The following SMG5 variants were observed in gnomAD, a reference collection of about 807,000 sequenced individuals.
SMG5 encodes SMG5 nonsense mediated mRNA decay factor, also known as nonsense-mediated mRNA decay factor SMG5.
A neutral mutation model predicts 122.9 loss-of-function variants in SMG5; 53 were observed. The observed-to-expected ratio is 0.43, with a 90% CI of 0.35 to 0.54. The LOEUF (loss-of-function observed/expected upper bound fraction) is 0.54, where lower values mean the gene tolerates loss of function less well. Among genes scored for constraint, SMG5 ranks in the 20% least tolerant of loss-of-function variants. SMG5 has a pLI of 0.01. For synonymous variants in SMG5, 477 were observed against 490.2 expected (o/e 0.97, Z 0.35); for missense variants, 1,153 against 1,285.6 (o/e 0.90, Z 1.58).
Position 156,279,027 on chromosome 1 carries a change from C to T in SMG5, c.82G>A (p.Val28Met). Residue 28 changes from valine (V) to methionine (M), a missense_variant, in exon 2 of 22, where the codon GTG (valine) becomes ATG (methionine). Physicochemically the swap from Val to Met is conservative, Grantham distance 21. Around this residue, in one of 5 missense-constraint regions of SMG5, gnomAD observed 213 missense variants for 197.5 expected, o/e 1.08. Coordinates refer to ENST00000361813, the MANE Select transcript of SMG5 (RefSeq NM_015327.3). ...LHTKRLYRAV[V>M]EAVHRLDLIL... ...AGGTCAAGTCGATGCACAGCCTCCA[C>T]CACAGCCCTGTAGGGAAATACAGGC... The T allele has an allele frequency of 1.2e-6, 2 of 1,614,066 alleles. No homozygotes were observed. The highest frequency in any genetic ancestry group is 1.6e-4 in the Middle Eastern group (1 of 6,062).
At chr1:156,268,001 G>A (rs528385267) in intron 9 of SMG5, 114 bp downstream of exon 9, 63 of 1,093,004 alleles carry the variant, frequency 5.8e-5, no homozygotes, top group Admixed American at 8.6e-5. Flanking sequence ...AATTGGTTAC[G>A]GATGTTCAAA....
At position 156,252,290 on chromosome 1, in the gene SMG5, C is replaced by T; in HGVS notation, c.2753+124G>A. On this transcript the variant is annotated intron_variant, in intron 19 of 21. Transcript: ENST00000361813. ...ATCACTCCCCAGGCAGTGAGGTGAG[C>T]TAACTGTGAGTAGAGACGGGTATGT... 5 of 799,748 alleles carry T rather than the reference C, an allele frequency of 6.3e-6. No individual in the cohort carries two copies. In the South Asian group the frequency reaches 8.2e-5, roughly 13 times the overall value. The allele number at this position is 799,748 out of a possible 1,614,324, so 49.5% of individuals were successfully genotyped here.
At position 156,273,326 on chromosome 1, in the gene SMG5, A is replaced by G. The variant is rs368968774; in HGVS notation, c.634+35T>C. 30 of 1,573,878 alleles carry G rather than the reference A, an allele frequency of 1.9e-5. No individual in the cohort carries two copies. The South Asian group carries it at 3.3e-4, about 17-fold the overall frequency. On this transcript the variant is annotated intron_variant, in intron 6 of 21. Coordinates refer to ENST00000361813, the MANE Select transcript of SMG5 (RefSeq NM_015327.3). ...ACATCGTCTTCCCTAGGAAAACCCT[A>G]CTGGATTCAGAGGCCCAAGTTGGGG...
Position 156,282,722 on chromosome 1 carries a change from C to G in SMG5, c.-42G>C. 1 of 1,557,204 alleles carries G rather than the reference C, an allele frequency of 6.4e-7. No homozygotes were observed. The highest frequency in any genetic ancestry group is 8.7e-7 in the Non-Finnish European group (1 of 1,155,748). Reference sequence around the variant, plus strand: ...GGCAGCTCCCGGTCACAGGCCCCTGCCACCCACCACTACCGCCAACACTGC... The same window carrying G: ...GGCAGCTCCCGGTCACAGGCCCCTGGCACCCACCACTACCGCCAACACTGC... On this transcript the variant is annotated 5_prime_UTR_variant, in exon 1 of 22. Coordinates refer to ENST00000361813, the MANE Select transcript of SMG5 (RefSeq NM_015327.3).
At chr1:156,288,132 G>A in the SMG5 span, among the ~76,000 whole-genome samples, 10 of 150,460 alleles carry the variant, frequency 6.6e-5, no homozygotes, top group African/African-American at 2.0e-4. Context: ...GGAGAATGGC[G>A]TGAACCCGGG....
chr1:156,291,191 A>G, the SMG5 span: 1 of 575,438 alleles, frequency 1.7e-6, no homozygotes, highest in South Asian at 2.3e-5. Context: ...GGGGAAGTCA[A>G]ATCAATCACT....
intron 5 of SMG5, among the ~76,000 whole-genome samples, chr1:156,273,832 G>A (rs764883634): frequency 2.7e-5 from 4 of 149,608 alleles, no homozygotes; most frequent in Non-Finnish European, 4.4e-5. Context: ...TGGGACTACA[G>A]ATGCGTGCCA....
intron 13 of SMG5, 22 bp from the exon 14 acceptor site, chr1:156,261,430 G>A (rs1476120443): frequency 1.2e-6 from 2 of 1,603,922 alleles, no homozygotes; most frequent in Non-Finnish European, 1.7e-6. Flanking sequence ...GAAGGGAGAG[G>A]AGGCCTTCAG....
At chr1:156,270,899 C>T (rs1044923894) in intron 7 of SMG5, among the ~76,000 whole-genome samples, 3 of 151,550 alleles carry the variant, frequency 2.0e-5, no homozygotes, top group Non-Finnish European at 2.9e-5. Context: ...CCTAGCTACT[C>T]GAGAGGCTGG....
In SMG5 at chr1:156,266,688, G is replaced by A; in HGVS notation, c.1118-10C>T. On this transcript the variant is annotated splice_polypyrimidine_tract_variant and intron_variant, in intron 10 of 21. Coordinates refer to ENST00000361813, the MANE Select transcript of SMG5 (RefSeq NM_015327.3). ...CTGTACTGCTTGGATCCTGAAGTCA[G>A]GAAAGCCAGGCATTAGGGGCCTAGG... 5.6e-6 allele frequency: 9 copies of A among 1,614,024 alleles called. No individual in the cohort carries two copies. Among genetic ancestry groups the A allele is most frequent in the Non-Finnish European group, 7.6e-6 (9 of 1,179,960 alleles).
chr1:156,282,981 C>CT (rs1338220994), upstream of SMG5: 1 of 517,512 alleles, frequency 1.9e-6, no homozygotes, highest in Non-Finnish European at 3.4e-6. Flanking sequence ...TCTCCAAACC[C>CT]TTGCGAAAAA....
chr1:156,260,231 A>G (rs1661756357), intron 15 of SMG5, among the ~76,000 whole-genome samples: 1 of 152,230 alleles, frequency 6.6e-6, no homozygotes, highest in Non-Finnish European at 1.5e-5. Flanking sequence ...CTACAATAGT[A>G]GAAACTACCA....
chr1:156,260,189 C>T (rs1221052823), intron 15 of SMG5, among the ~76,000 whole-genome samples: 1 of 152,140 alleles, frequency 6.6e-6, no homozygotes, highest in Non-Finnish European at 1.5e-5. Context: ...CTGCCCTTTA[C>T]AGAAGGCAGA....
chr1:156,282,693 C>T lies in SMG5; in HGVS notation c.-13G>A, dbSNP rs772112524. On this transcript the variant is annotated 5_prime_UTR_variant, in exon 1 of 22. Coordinates refer to ENST00000361813, the MANE Select transcript of SMG5 (RefSeq NM_015327.3). ...GGCCTTGGCTCATGGTGCCCGGGTC[C>T]GGGGGCAGCTCCCGGTCACAGGCCC... The T allele has an allele frequency of 6.3e-7, 1 of 1,594,986 alleles. No homozygotes were observed. The highest frequency in any genetic ancestry group is 1.1e-5 in the South Asian group (1 of 89,678).
At chr1:156,263,718 C>T (rs1661977363) in intron 12 of SMG5, 148 bp from the exon 13 acceptor site, 5 of 777,522 alleles carry the variant, frequency 6.4e-6, no homozygotes, top group Middle Eastern at 2.5e-4. Context: ...GAACCACTTA[C>T]AGGCCCTTAT....
intron 16 of SMG5, among the ~76,000 whole-genome samples, chr1:156,258,000 G>C (rs567697174): frequency 7.2e-5 from 11 of 152,372 alleles, no homozygotes; most frequent in African/African-American, 2.6e-4. Flanking sequence ...GCCCACAAGA[G>C]AAAGGACTGT....
chr1:156,285,865 C>A, upstream of SMG5: 1 of 1,613,882 alleles, frequency 6.2e-7, no homozygotes, highest in Non-Finnish European at 8.5e-7. Flanking sequence ...TCTTCCCTTG[C>A]CTACTATACG....
At position 156,274,689 on chromosome 1, in the gene SMG5, A is replaced by G. The variant is rs780904103; in HGVS notation, c.455-3T>C. The G allele has an allele frequency of 3.1e-6, 5 of 1,613,080 alleles. No homozygotes were observed. Among genetic ancestry groups the G allele is most frequent in the Non-Finnish European group, 4.2e-6 (5 of 1,179,260 alleles). The stretch of plus-strand genomic sequence containing the variant: ...GGCAGACACTGGCTTCTTGCATCCT[A>G]TGAGACAAAGAGAAAGAGATTTGTA... On this transcript the variant is annotated splice_polypyrimidine_tract_variant and splice_region_variant and intron_variant, in intron 4 of 21. Coordinates refer to ENST00000361813, the MANE Select transcript of SMG5 (RefSeq NM_015327.3).
intron 1 of SMG5, 84 bp downstream of exon 1, chr1:156,282,523 G>A (rs923237578): frequency 3.6e-4 from 530 of 1,464,334 alleles, no homozygotes; most frequent in Non-Finnish European, 4.7e-4. Flanking sequence ...CCCGACACCC[G>A]GGCCCCGCCC....
Sources: allele counts gnomAD v4.1 joint callset (sites outside exome capture counted in the v4.1 genomes callset), GRCh38; gene constraint gnomAD v4.1.1; regional missense constraint gnomAD v4.1.1; transcripts MANE v1.5; gene names NCBI Gene and HGNC (gene_info 2026-07-23, HGNC 2026-07-21).